Variants in BAZ1B observed in about 807,000 individuals in gnomAD.
The protein encoded by BAZ1B is tyrosine-protein kinase BAZ1B.
BAZ1B carries 22 observed loss-of-function variants against 153.8 expected under a neutral mutation model. The observed-to-expected ratio is 0.14, with a 90% confidence interval of 0.10 to 0.20. BAZ1B has a LOEUF of 0.20. BAZ1B is among the 10% of genes least tolerant of loss of function. The probability of loss-of-function intolerance (pLI) is 1.00; values close to 1 mark genes in which losing one functional copy is unlikely to be tolerated. For synonymous variants in BAZ1B, 676 were observed against 633.4 expected, an observed-to-expected ratio of 1.07 and a Z score of -1.01; for missense variants, 1,325 against 1,799.3, an observed-to-expected ratio of 0.74 and a Z score of 4.77.
Position 73,498,714 on chromosome 7 carries a change from T to C in BAZ1B, c.370-16A>G. 3.7e-6 allele frequency: 6 copies of C among 1,609,758 alleles called. No homozygotes were observed. Among genetic ancestry groups the C allele is most frequent in the Non-Finnish European group, 5.1e-6 (6 of 1,176,880 alleles). ...CCTTCCCAACCTATAAAGGAGGTAG[T>C]AGAGAAAATCAGAGATAATAAACAC... is the stretch of plus-strand genomic sequence containing the variant. On this transcript the variant is annotated splice_polypyrimidine_tract_variant and intron_variant, in intron 3 of 19. Transcript: ENST00000339594.
At chr7:73,460,065 C>T (rs1788339238) in intron 12 of BAZ1B, among the ~76,000 whole-genome samples, 1 of 151,934 alleles carries the variant, frequency 6.6e-6, no homozygotes, top group South Asian at 2.1e-4. Context: ...CGTGGTGGCA[C>T]GTGCCTGTAA....
At position 73,477,384 on chromosome 7, in the gene BAZ1B, G is replaced by A. The variant is rs782111334; in HGVS notation, c.2077C>T (p.Arg693Trp). The change falls in exon 7 of 20, where the codon CGG (arginine) becomes TGG (tryptophan). Residue 693 changes from arginine to tryptophan, a missense_variant. Physicochemically the swap from Arg to Trp is moderately radical, Grantham distance 101. Around this residue, in one of 9 missense-constraint regions of BAZ1B, gnomAD observed 154 missense variants for 266.3 expected, o/e 0.58. Transcript: ENST00000339594. This position sits in a 1 kb window ranked among gnomAD's most constrained non-coding sequence, Gnocchi z 5.6. ...ACATCAGATCTGCGCAAGCAGAGCC[G>A]CACCAGCTCTGAAACAGAATGCAGA... ...LTLHSVSELV[R>W]LCLRRSDVQE... 3 of 1,614,224 alleles carry A rather than the reference G, an allele frequency of 1.9e-6. No homozygotes were observed. Among genetic ancestry groups the A allele is most frequent in the South Asian group, 1.1e-5 (1 of 91,082 alleles).
In BAZ1B at chr7:73,450,779, TGAA is replaced by T. The variant is rs1554568013; in HGVS notation, c.3580+65_3580+67del. On this transcript the variant is annotated intron_variant, in intron 14 of 19. Transcript: ENST00000339594. This position sits in a 1 kb window ranked among gnomAD's most constrained non-coding sequence, Gnocchi z 4.1. ...TACACAAAATTCTTTTGGGTAGAAA[TGAA>T]GATCTTGGGAATAGAAATCCTACTC... 2 of 1,563,650 alleles carry T rather than the reference TGAA, an allele frequency of 1.3e-6. No individual in the cohort carries two copies. The highest frequency in any genetic ancestry group is 1.8e-6 in the Non-Finnish European group (2 of 1,141,048).
intron 13 of BAZ1B, among the ~76,000 whole-genome samples, chr7:73,455,043 T>C (rs1055636957): frequency 7.9e-5 from 12 of 151,776 alleles, no homozygotes; most frequent in Non-Finnish European, 1.5e-4. Flanking sequence ...TGTGTGTGTG[T>C]GTGCATTTTT....
chr7:73,483,450 A>G (rs1283658338), intron 6 of BAZ1B, among the ~76,000 whole-genome samples: 1 of 152,196 alleles, frequency 6.6e-6, no homozygotes, highest in African/African-American at 2.4e-5. Context: ...ACACTCAAAT[A>G]GTGGGCTTTT....
rs147729275 is a variant in BAZ1B at position 73,512,482 on chromosome 7, A to G, written c.108-1630T>C. Among the ~76,000 whole-genome samples, 790 of 152,286 alleles carry G rather than the reference A, an allele frequency of 5.2e-3. 5 individuals carry two copies. The highest frequency in any genetic ancestry group is 0.017 in the African/African-American group (715 of 41,550). On this transcript the variant is annotated intron_variant, in intron 1 of 19. Coordinates refer to ENST00000339594, the MANE Select transcript of BAZ1B (RefSeq NM_032408.4). ...ATATAATATTTATCCAGTCTCTATG[A>G]TGTCTCCAATAATACTGAGATTCAG...
chr7:73,486,975 T>C (rs1176500745), intron 6 of BAZ1B, among the ~76,000 whole-genome samples: 1 of 152,208 alleles, frequency 6.6e-6, no homozygotes, highest in Non-Finnish European at 1.5e-5. Flanking sequence ...CAGATAGTAT[T>C]AGGAAATAAG....
At chr7:73,459,781 A>G (rs1788330358) in intron 12 of BAZ1B, 63 bp from the exon 13 acceptor site, 4 of 1,417,764 alleles carry the variant, frequency 2.8e-6, no homozygotes, top group Admixed American at 2.3e-5. Flanking sequence ...AAGGAATCCA[A>G]CCTCAAATTC....
At chr7:73,452,899 G>A (rs562900248) in intron 13 of BAZ1B, among the ~76,000 whole-genome samples, 1 of 152,166 alleles carries the variant, frequency 6.6e-6, no homozygotes, top group Non-Finnish European at 1.5e-5. Flanking sequence ...CCGGACAAAC[G>A]CCACCAAAGT....
At position 73,498,623 on chromosome 7, in the gene BAZ1B, C is replaced by T; in HGVS notation, c.445G>A (p.Glu149Lys). ...PLEKVDEEAT[E>K]KKSDGACDSP... ...TCACAGGCACCATCAGATTTCTTCT[C>T]AGTGGCCTCTTCATCCACTTTCTCC... The change falls in exon 4 of 20, where the codon GAG becomes AAG. Residue 149 changes from glutamate (E) to lysine (K), a missense_variant. Coordinates refer to ENST00000339594, the MANE Select transcript of BAZ1B (RefSeq NM_032408.4). 1 of 1,614,152 alleles carries T rather than the reference C, an allele frequency of 6.2e-7. No individual in the cohort carries two copies. Among genetic ancestry groups the T allele is most frequent in the South Asian group, 1.1e-5 (1 of 91,080 alleles).
intron 1 of BAZ1B, among the ~76,000 whole-genome samples, chr7:73,519,594 CA>C (rs1790947400): frequency 6.6e-6 from 1 of 152,152 alleles, no homozygotes; most frequent in African/African-American, 2.4e-5. Flanking sequence ...TTTCCGGTTT[CA>C]GTTTTAAATT....
chr7:73,494,872 A>C (rs1325331552), intron 4 of BAZ1B, among the ~76,000 whole-genome samples: 1 of 152,224 alleles, frequency 6.6e-6, no homozygotes, highest in Non-Finnish European at 1.5e-5. Context: ...TCTGCCTTAG[A>C]CACTAGGTGG....
At chr7:73,501,674 A>C (rs1371104151) in intron 3 of BAZ1B, among the ~76,000 whole-genome samples, 2 of 152,050 alleles carry the variant, frequency 1.3e-5, no homozygotes, top group Non-Finnish European at 2.9e-5. Flanking sequence ...CTTCTGTCTA[A>C]AGGCCTTCAC....
At chr7:73,449,394 C>A in intron 15 of BAZ1B, 148 bp downstream of exon 15, 1 of 920,136 alleles carries the variant, frequency 1.1e-6, no homozygotes, top group Non-Finnish European at 1.5e-6. Context: ...CTTTGAGCTC[C>A]TATTGAAGTA....
In BAZ1B at chr7:73,442,523, G is replaced by A. The variant is rs1554565380; in HGVS notation, c.4125C>T (p.Asp1375=). 6.2e-7 allele frequency: 1 copy of A among 1,612,538 alleles called. No individual in the cohort carries two copies. The highest frequency in any genetic ancestry group is 8.5e-7 in the Non-Finnish European group (1 of 1,178,850). The part of the protein sequence containing the change: ...REPVTRDEAE[D]YYDVITHPMD... Reference sequence around the variant, plus strand: ...TGGGGTGCGTGATCACATCATAGTAGTCCTCGGCCTCATCTCTGGTCACAG... The same window carrying A: ...TGGGGTGCGTGATCACATCATAGTAATCCTCGGCCTCATCTCTGGTCACAG... The change falls in exon 19 of 20, where the codon GAC becomes GAT. Residue 1375 remains aspartate (D), a synonymous_variant. Coordinates refer to ENST00000339594, the MANE Select transcript of BAZ1B (RefSeq NM_032408.4).
chr7:73,493,570 G>A (rs938159709), intron 4 of BAZ1B, among the ~76,000 whole-genome samples: 1 of 152,024 alleles, frequency 6.6e-6, no homozygotes, highest in African/African-American at 2.4e-5. Flanking sequence ...GCCAGGTGTG[G>A]TAGTTCACGC....
intron 1 of BAZ1B, among the ~76,000 whole-genome samples, chr7:73,514,341 G>A (rs576814238): frequency 3.2e-4 from 49 of 152,216 alleles, no homozygotes; most frequent in African/African-American, 1.2e-3. Flanking sequence ...GACCAGCGTG[G>A]CCAACATGGT....
At chr7:73,484,679 G>T (rs1180090059) in intron 6 of BAZ1B, among the ~76,000 whole-genome samples, 6 of 152,138 alleles carry the variant, frequency 3.9e-5, no homozygotes, top group Admixed American at 2.0e-4. Flanking sequence ...AATACTATGA[G>T]TAATGGACAA....
At position 73,478,682 on chromosome 7, in the gene BAZ1B, CAT is replaced by C. The variant is rs1195350921; in HGVS notation, c.892-115_892-114del. On this transcript the variant is annotated intron_variant, in intron 6 of 19. Coordinates refer to ENST00000339594, the MANE Select transcript of BAZ1B (RefSeq NM_032408.4). ...AGCTATTCAGGTAAAGCTACATATT[CAT>C]ATCTCTTCATAGATACTTTGTCCCT... The C allele has an allele frequency of 7.2e-5, 60 of 832,036 alleles. No homozygotes were observed. In the African/African-American group the frequency reaches 9.8e-4, roughly 14 times the overall value. 51.5% of individuals were successfully genotyped at this position (832,036 alleles called of 1,614,324 possible).
Sources: allele counts gnomAD v4.1 joint callset (sites outside exome capture counted in the v4.1 genomes callset), GRCh38; gene constraint gnomAD v4.1.1; regional missense constraint gnomAD v4.1.1; non-coding constraint Gnocchi (gnomAD v3.1); transcripts MANE v1.5; gene names NCBI Gene and HGNC (gene_info 2026-07-23, HGNC 2026-07-21).